REV3L: variants seen among roughly 807,000 people sequenced by gnomAD.
The protein encoded by REV3L is DNA polymerase zeta catalytic subunit.
In REV3L, 69 loss-of-function variants were observed where a neutral mutation model predicts 299.4. The observed-to-expected ratio is 0.23, with a 90% CI of 0.19 to 0.28. The LOEUF (loss-of-function observed/expected upper bound fraction) is 0.28, where lower values mean the gene tolerates loss of function less well. Among genes scored for constraint, REV3L ranks in the 10% least tolerant of loss-of-function variants. The pLI, the probability that REV3L is intolerant of heterozygous loss-of-function variation, is 1.00. For synonymous variants in REV3L, 1,238 were observed against 1,271.4 expected, an observed-to-expected ratio of 0.97 and a Z score of 0.56; for missense variants, 3,128 against 3,693.8, an observed-to-expected ratio of 0.85 and a Z score of 3.97.
At position 111,375,899 on chromosome 6, in the gene REV3L, T is replaced by C. The variant is rs779232586; in HGVS notation, c.2456A>G (p.Tyr819Cys). 1.9e-6 allele frequency: 3 copies of C among 1,614,046 alleles called. No homozygotes were observed. The highest frequency in any genetic ancestry group is 2.5e-6 in the Non-Finnish European group (3 of 1,179,920). Residue 819 changes from tyrosine to cysteine, a missense_variant, in exon 13 of 32, where the codon TAT becomes TGT. Coordinates refer to ENST00000368802, the MANE Select transcript of REV3L (RefSeq NM_001372078.1). ...TRPQKLSPVT[Y>C]KLQPGNKPSR... is the part of the protein sequence containing the mutation. ...TGGTTTATTGCCAGGTTGTAATTTA[T>C]ATGTGACAGGAGATAGTTTCTGTGG...
chr6:111,436,194 ACAC>A (rs986720702), intron 1 of REV3L, among the ~76,000 whole-genome samples: 1 of 152,202 alleles, frequency 6.6e-6, no homozygotes, highest in Non-Finnish European at 1.5e-5. Context: ...GAATCCTCGT[ACAC>A]CACTGCTGGG....
intron 21 of REV3L, 149 bp from the exon 22 acceptor site, chr6:111,335,759 A>T (rs1456319402): frequency 6.9e-6 from 5 of 721,278 alleles, no homozygotes; most frequent in Non-Finnish European, 1.0e-5. Context: ...AAGTATGCTA[A>T]GGAATTAAAC....
intron 31 of REV3L, among the ~76,000 whole-genome samples, chr6:111,305,334 G>A (rs1225020720): frequency 1.3e-5 from 2 of 152,122 alleles, no homozygotes; most frequent in Admixed American, 6.5e-5. Flanking sequence ...GTTCATGCCT[G>A]TAATCCCAGC....
chr6:111,362,809 C>G (rs543727860), intron 16 of REV3L, among the ~76,000 whole-genome samples: 1 of 152,060 alleles, frequency 6.6e-6, no homozygotes, highest in African/African-American at 2.4e-5. Context: ...ATACCTAAGT[C>G]GTTCCAAACA....
intron 4 of REV3L, among the ~76,000 whole-genome samples, chr6:111,396,256 G>A (rs1164555095): frequency 6.6e-6 from 1 of 151,808 alleles, no homozygotes; most frequent in Non-Finnish European, 1.5e-5. Context: ...CAAACTCCTG[G>A]GCTCAAGTGA....
At chr6:111,381,973 T>C (rs1169654075) in intron 9 of REV3L, among the ~76,000 whole-genome samples, 2 of 152,230 alleles carry the variant, frequency 1.3e-5, no homozygotes, top group Non-Finnish European at 2.9e-5. Context: ...TGCCTGTTTG[T>C]GAACTGTAGT....
At chr6:111,346,539 A>C (rs1777047546) in intron 20 of REV3L, among the ~76,000 whole-genome samples, 1 of 152,176 alleles carries the variant, frequency 6.6e-6, no homozygotes, top group Non-Finnish European at 1.5e-5. Context: ...GGCTATTCAC[A>C]GGCATAATAA....
intron 1 of REV3L, among the ~76,000 whole-genome samples, chr6:111,457,564 T>C (rs998082243): frequency 6.6e-6 from 1 of 151,140 alleles, no homozygotes; most frequent in South Asian, 2.1e-4. Context: ...TATAGCTTCA[T>C]CTTTTGAAAT....
intron 1 of REV3L, among the ~76,000 whole-genome samples, chr6:111,480,077 A>G (rs2128346555): frequency 6.6e-6 from 1 of 152,356 alleles, no homozygotes; most frequent in East Asian, 1.9e-4. Context: ...TTGAGAAAAA[A>G]TATCTTTGGT....
chr6:111,400,091 T>C (rs1403664926), intron 4 of REV3L, among the ~76,000 whole-genome samples: 3 of 152,214 alleles, frequency 2.0e-5, no homozygotes, highest in East Asian at 3.8e-4. Context: ...TATGAATCAA[T>C]TGTTTGTTCC....
At chr6:111,434,948 G>T (rs1175013957) in intron 1 of REV3L, among the ~76,000 whole-genome samples, 3 of 152,004 alleles carry the variant, frequency 2.0e-5, no homozygotes, top group African/African-American at 7.3e-5. Flanking sequence ...ACTCACGCCT[G>T]TATCCCAGCA....
At chr6:111,422,374 A>G (rs1215583270) in intron 1 of REV3L, among the ~76,000 whole-genome samples, 1 of 151,578 alleles carries the variant, frequency 6.6e-6, no homozygotes, top group Non-Finnish European at 1.5e-5. Flanking sequence ...TCAAAACCTA[A>G]AATATGTGCT....
At chr6:111,331,349 TA>T in intron 24 of REV3L, among the ~76,000 whole-genome samples, 1 of 152,328 alleles carries the variant, frequency 6.6e-6, no homozygotes, top group Middle Eastern at 3.4e-3. Flanking sequence ...GTAGGTAATA[TA>T]TTTTGACCAT....
At chr6:111,478,606 T>C (rs1052528584) in intron 1 of REV3L, among the ~76,000 whole-genome samples, 3 of 147,900 alleles carry the variant, frequency 2.0e-5, no homozygotes, top group African/African-American at 5.1e-5. Flanking sequence ...ATTATTCTTA[T>C]TGCAAATTTA....
chr6:111,369,688 CACAAA>C (rs1470654366), intron 13 of REV3L, among the ~76,000 whole-genome samples: 3 of 151,758 alleles, frequency 2.0e-5, no homozygotes, highest in Admixed American at 6.6e-5. Flanking sequence ...GATCACACTT[CACAAA>C]ACAAAACAAA....
intron 20 of REV3L, among the ~76,000 whole-genome samples, chr6:111,347,218 G>A (rs954619332): frequency 6.6e-6 from 1 of 151,900 alleles, no homozygotes; most frequent in Non-Finnish European, 1.5e-5. Context: ...GCGGTGAGCC[G>A]AGACTGCACC....
At chr6:111,313,629 C>A (rs1018366330) in intron 27 of REV3L, 140 bp from the exon 28 acceptor site, 2 of 748,496 alleles carry the variant, frequency 2.7e-6, no homozygotes, top group Non-Finnish European at 4.1e-6. Context: ...CCAACAAATT[C>A]ATGATATAAC....
intron 16 of REV3L, chr6:111,361,567 C>T (rs2114999995): frequency 6.6e-6 from 1 of 151,840 alleles, no homozygotes; most frequent in Admixed American, 6.6e-5. Flanking sequence ...ATTTCTATTC[C>T]TTAATAACAA....
chr6:111,395,770 T>C (rs1446304209), intron 4 of REV3L, among the ~76,000 whole-genome samples: 1 of 152,182 alleles, frequency 6.6e-6, no homozygotes, highest in Non-Finnish European at 1.5e-5. Context: ...TTCTTCTAGT[T>C]CTTAGAGGGC....
Sources: gnomAD v4.1 joint callset for allele counts (sites outside exome capture counted in the v4.1 genomes callset) on GRCh38, gnomAD v4.1.1 for gene constraint, MANE v1.5 for transcripts, NCBI Gene and HGNC (gene_info 2026-07-23, HGNC 2026-07-21) for gene names.